SMARCA2: variants seen among roughly 807,000 people sequenced by gnomAD.
SMARCA2 encodes SWI/SNF-related matrix-associated actin-dependent regulator of chromatin subfamily A member 2.
Under a neutral mutation model 199.8 loss-of-function variants are expected in SMARCA2, and 61 were observed. That is an observed-to-expected ratio of 0.31 (90% CI 0.25 to 0.38). SMARCA2 has a LOEUF of 0.38. SMARCA2 is among the 10% of genes least tolerant of loss of function. The pLI is 1.00. For missense variants in SMARCA2, 1,344 were observed against 2,012.2 expected, an observed-to-expected ratio of 0.67 and a Z score of 6.35; for synonymous variants, 935 against 732.0, an observed-to-expected ratio of 1.28 and a Z score of -4.48.
At chr9:2,019,813 CTTG>C (rs984673533) in intron 1 of SMARCA2, among the ~76,000 whole-genome samples, 1 of 149,814 alleles carries the variant, frequency 6.7e-6, no homozygotes, top group Non-Finnish European at 1.5e-5. Context: ...CCAGTGTTTT[CTTG>C]TTTTTTTTTT....
intron 27 of SMARCA2, among the ~76,000 whole-genome samples, chr9:2,129,057 A>G (rs1233714831): frequency 1.3e-5 from 2 of 152,186 alleles, no homozygotes; most frequent in Admixed American, 6.5e-5. Flanking sequence ...ATAATTTGCT[A>G]GAACAACTCA....
At chr9:2,183,776 G>A (rs1827226834) in intron 31 of SMARCA2, among the ~76,000 whole-genome samples, 1 of 152,244 alleles carries the variant, frequency 6.6e-6, no homozygotes, top group South Asian at 2.1e-4. Context: ...AAAAAGTTAA[G>A]CTTGAAGCCA....
intron 20 of SMARCA2, chr9:2,097,068 A>G (rs1822303589): frequency 2.1e-6 from 1 of 486,072 alleles, no homozygotes; most frequent in Non-Finnish European, 3.7e-6. Context: ...ATCCAGTTTC[A>G]CTCCCTGGGC....
intron 2 of SMARCA2, chr9:2,032,712 T>C: frequency 2.8e-6 from 1 of 358,066 alleles, no homozygotes; most frequent in Non-Finnish European, 5.0e-6. Context: ...GTTCTGATAT[T>C]ACAAAAAACA....
intron 16 of SMARCA2, 77 bp downstream of exon 16, chr9:2,083,490 C>T: frequency 4.6e-6 from 4 of 861,488 alleles, no homozygotes; most frequent in Non-Finnish European, 7.7e-6. Flanking sequence ...ATATGCACAT[C>T]TGTGAACTGT....
intron 3 of SMARCA2, among the ~76,000 whole-genome samples, chr9:2,037,949 T>A (rs1819403421): frequency 6.6e-6 from 1 of 152,210 alleles, no homozygotes; most frequent in Non-Finnish European, 1.5e-5. Context: ...GCTATGCAGG[T>A]CATCTCCTGA....
intron 27 of SMARCA2, among the ~76,000 whole-genome samples, chr9:2,146,072 A>C (rs1336529210): frequency 1.3e-5 from 2 of 152,180 alleles, no homozygotes; most frequent in Non-Finnish European, 2.9e-5. Flanking sequence ...GCTATACCAA[A>C]ATACCATAGA....
At chr9:2,109,501 C>T (rs528722841) in intron 23 of SMARCA2, among the ~76,000 whole-genome samples, 151 of 152,176 alleles carry the variant, frequency 9.9e-4, no homozygotes, top group Non-Finnish European at 2.0e-3. Flanking sequence ...TTTGGAGCCT[C>T]TTCAGACCCC....
chr9:2,078,515 G>C (rs1821424327), intron 14 of SMARCA2, among the ~76,000 whole-genome samples: 1 of 151,766 alleles, frequency 6.6e-6, no homozygotes, highest in African/African-American at 2.4e-5. Flanking sequence ...TCTGTGCTTT[G>C]ATTAAAAATT....
chr9:2,155,340 T>C (rs1191838784), intron 27 of SMARCA2, among the ~76,000 whole-genome samples: 1 of 152,108 alleles, frequency 6.6e-6, no homozygotes, highest in Non-Finnish European at 1.5e-5. Context: ...TGGAGTGCAG[T>C]GGGGCAATCT....
intron 27 of SMARCA2, among the ~76,000 whole-genome samples, chr9:2,155,385 C>T (rs1336446408): frequency 6.6e-6 from 1 of 152,028 alleles, no homozygotes; most frequent in African/African-American, 2.4e-5. Context: ...CGGGTTCAAG[C>T]GATTCTCCTG....
At chr9:2,143,013 G>C (rs1045448210) in intron 27 of SMARCA2, among the ~76,000 whole-genome samples, 2 of 152,082 alleles carry the variant, frequency 1.3e-5, no homozygotes, top group African/African-American at 4.8e-5. Flanking sequence ...GATGATAGGA[G>C]ATTCGGACAT....
At position 2,056,715 on chromosome 9, in the gene SMARCA2, T is replaced by G. The variant is rs926714493; in HGVS notation, c.1217T>G (p.Leu406Arg). Residue 406 changes from leucine to arginine, a missense_variant, in exon 7 of 34, where the codon CTG (leucine) becomes CGG (arginine). This residue lies in a region of SMARCA2 where 155 missense variants were observed against 260.0 expected (regional missense o/e 0.60). Transcript: ENST00000349721. The surrounding 1 kb of genome is among the most constrained non-coding windows in gnomAD (Gnocchi z 4.0). ...VVACMRRDTT[L>R]ETALNSKAYK... Reference sequence around the variant, plus strand: ...GCCTGCATGCGCAGGGACACGACCCTGGAGACGGCTCTCAACTCCAAAGCA... The same window carrying G: ...GCCTGCATGCGCAGGGACACGACCCGGGAGACGGCTCTCAACTCCAAAGCA... 6.2e-7 allele frequency: 1 copy of G among 1,614,190 alleles called. No homozygotes were observed. Among genetic ancestry groups the G allele is most frequent in the Admixed American group, 1.7e-5 (1 of 60,016 alleles).
intron 27 of SMARCA2, among the ~76,000 whole-genome samples, chr9:2,146,275 C>T (rs1395029163): frequency 6.6e-6 from 1 of 152,094 alleles, no homozygotes; most frequent in Non-Finnish European, 1.5e-5. Context: ...CTAATCACCT[C>T]CCAAAGGCCC....
intron 27 of SMARCA2, among the ~76,000 whole-genome samples, chr9:2,136,390 G>T (rs962288418): frequency 6.6e-6 from 1 of 151,552 alleles, no homozygotes; most frequent in Non-Finnish European, 1.5e-5. Flanking sequence ...GTTTTGCCAT[G>T]TTGGCCAATC....
At chr9:2,074,409 G>A (rs1274578712) in intron 12 of SMARCA2, among the ~76,000 whole-genome samples, 1 of 152,118 alleles carries the variant, frequency 6.6e-6, no homozygotes, top group Non-Finnish European at 1.5e-5. Context: ...CGAGGACAAG[G>A]TAAAACATCC....
intron 27 of SMARCA2, among the ~76,000 whole-genome samples, chr9:2,136,489 T>C (rs900019167): frequency 2.0e-5 from 3 of 152,178 alleles, no homozygotes; most frequent in African/African-American, 2.4e-5. Flanking sequence ...GCCTGGCCTA[T>C]TCCCTGCTTT....
At chr9:2,107,137 AT>A (rs139806660) in intron 23 of SMARCA2, among the ~76,000 whole-genome samples, 4,439 of 152,290 alleles carry the variant, frequency 0.029, 215 homozygotes, top group African/African-American at 0.1. Context: ...AATTAAAAAA[AT>A]ATTTGTTAAA....
At position 2,172,539 on chromosome 9, in the gene SMARCA2, C is replaced by T. The variant is rs557312793; in HGVS notation, c.4253+2067C>T. On this transcript the variant is annotated intron_variant, in intron 29 of 33. Coordinates refer to ENST00000349721, the MANE Select transcript of SMARCA2 (RefSeq NM_003070.5). Reference sequence around the variant, plus strand: ...AGAGACTACACCATCTCAGTGTGACCAGCTCATTGGAGACGAAGGAAGACT... The same window carrying T: ...AGAGACTACACCATCTCAGTGTGACTAGCTCATTGGAGACGAAGGAAGACT... Among the ~76,000 whole-genome samples the T allele has an allele frequency of 3.4e-4, 52 of 152,128 alleles. 1 individual carries two copies. In the Middle Eastern group the frequency reaches 0.02, roughly 60 times the overall value.
Sources: gnomAD v4.1 joint callset for allele counts (sites outside exome capture counted in the v4.1 genomes callset) on GRCh38, gnomAD v4.1.1 for gene constraint, gnomAD v4.1.1 regional missense constraint, Gnocchi (gnomAD v3.1) non-coding constraint, MANE v1.5 for transcripts, NCBI Gene and HGNC (gene_info 2026-07-23, HGNC 2026-07-21) for gene names.